Variants in KCNIP4 observed in about 807,000 individuals in gnomAD.
KCNIP4 encodes the protein potassium voltage-gated channel interacting protein 4.
A neutral mutation model predicts 34.0 loss-of-function variants in KCNIP4; 12 were observed. That is an observed-to-expected ratio of 0.35 (90% CI 0.23 to 0.57). The LOEUF (loss-of-function observed/expected upper bound fraction) is 0.57. Ranked by LOEUF, KCNIP4 falls within the 20% of genes least tolerant of loss-of-function variation. KCNIP4 has a pLI of 0.83. For missense variants in KCNIP4, 238 were observed against 311.7 expected, an observed-to-expected ratio of 0.76 and a Z score of 1.78; for synonymous variants, 124 against 102.2, an observed-to-expected ratio of 1.21 and a Z score of -1.29.
At chr4:21,395,223 G>A (rs572132720) in intron 1 of KCNIP4, among the ~76,000 whole-genome samples, 2 of 152,072 alleles carry the variant, frequency 1.3e-5, no homozygotes, top group African/African-American at 2.4e-5. Context: ...TTTAGGGCAG[G>A]TCTACTCCCA....
Position 20,803,711 on chromosome 4 carries a change from G to GGA in KCNIP4, c.289-44822_289-44821insTC, listed in dbSNP as rs1714673863. On this transcript the variant is annotated intron_variant, in intron 3 of 8. Transcript: ENST00000382152. Reference sequence around the variant, plus strand: ...AGGGAGAGAGAGAGAGAAAGAGAGAGAGAGAGAGAGAGAGAGAGGAAGGAA... The same window carrying GGA: ...AGGGAGAGAGAGAGAGAAAGAGAGAGGAAGAGAGAGAGAGAGAGAGGAAGGAA... Among the ~76,000 whole-genome samples, 17 of 121,220 alleles carry GGA rather than the reference G, an allele frequency of 1.4e-4. No homozygotes were observed. The South Asian group carries it at 5.5e-3, about 39-fold the overall frequency. 79.5% of individuals were successfully genotyped at this position (121,220 alleles called of 152,430 possible).
intron 1 of KCNIP4, among the ~76,000 whole-genome samples, chr4:21,575,592 G>A (rs535973257): frequency 8.7e-5 from 13 of 150,246 alleles, no homozygotes; most frequent in Admixed American, 6.0e-4. Context: ...TTAGATACAC[G>A]TTTTCTGTTA....
At chr4:21,011,287 G>A (rs138050542) in intron 1 of KCNIP4, among the ~76,000 whole-genome samples, 109 of 152,252 alleles carry the variant, frequency 7.2e-4, no homozygotes, top group African/African-American at 2.5e-3. Flanking sequence ...TGCAATTTGT[G>A]TGACTGACTC....
intron 1 of KCNIP4, among the ~76,000 whole-genome samples, chr4:21,528,292 T>C (rs1490174791): frequency 1.3e-5 from 2 of 152,102 alleles, no homozygotes; most frequent in African/African-American, 2.4e-5. Context: ...GTTGTTGTTG[T>C]TTTTGGAATG....
At chr4:21,174,788 C>A (rs1038798036) in intron 1 of KCNIP4, among the ~76,000 whole-genome samples, 5 of 151,770 alleles carry the variant, frequency 3.3e-5, no homozygotes, top group Non-Finnish European at 7.4e-5. Flanking sequence ...GCCTGTAATC[C>A]CAGCTACTTG....
In KCNIP4 at chr4:21,506,450, T is replaced by C. The variant is rs533390405; in HGVS notation, c.61+442121A>G. On this transcript the variant is annotated intron_variant, in intron 1 of 8. Coordinates refer to ENST00000382152, the MANE Select transcript of KCNIP4 (RefSeq NM_025221.6). The stretch of plus-strand genomic sequence containing the variant: ...AGTTCTTAAAACAATACATGGCACC[T>C]AGTGGATTCTCAATACTGGCAATTT... Among the ~76,000 whole-genome samples, 3 of 152,342 alleles carry C rather than the reference T, an allele frequency of 2.0e-5. No individual in the cohort carries two copies. In the East Asian group the frequency reaches 5.8e-4, roughly 29 times the overall value.
At chr4:21,501,161 A>G (rs1281529409) in intron 1 of KCNIP4, among the ~76,000 whole-genome samples, 1 of 151,686 alleles carries the variant, frequency 6.6e-6, no homozygotes, top group East Asian at 1.9e-4. Context: ...CTAATCATGA[A>G]TTCTTGCCTG....
chr4:21,427,506 G>C (rs1334884348), intron 1 of KCNIP4, among the ~76,000 whole-genome samples: 6 of 152,132 alleles, frequency 3.9e-5, no homozygotes, highest in Admixed American at 3.9e-4. Context: ...CTCAGAGGTA[G>C]GGTACAGTAG....
intron 1 of KCNIP4, among the ~76,000 whole-genome samples, chr4:21,458,666 A>G (rs1729174548): frequency 6.6e-6 from 1 of 151,996 alleles, no homozygotes; most frequent in Admixed American, 6.6e-5. Context: ...AAAAGCCCTC[A>G]ATGCTGCCTG....
In KCNIP4 at chr4:21,800,459, ATATAG is replaced by A. The variant is rs200498193; in HGVS notation, c.61+148107_61+148111del. On this transcript the variant is annotated intron_variant, in intron 1 of 8. Transcript: ENST00000382152. ...AAAATGAACCAAATCAGATCAATTCATATAGTAAAGTTACCAACATTTCTAAAGAA... is the reference window on the plus strand; with the variant it reads ...AAAATGAACCAAATCAGATCAATTCATAAAGTTACCAACATTTCTAAAGAA... Among the ~76,000 whole-genome samples, 1,279 of 152,318 alleles carry A rather than the reference ATATAG, an allele frequency of 8.4e-3. 11 individuals are homozygous for A. Among genetic ancestry groups the A allele is most frequent in the South Asian group, 0.028 (136 of 4,828 alleles).
chr4:21,392,722 G>T (rs746796848), intron 1 of KCNIP4, among the ~76,000 whole-genome samples: 1 of 152,110 alleles, frequency 6.6e-6, no homozygotes, highest in African/African-American at 2.4e-5. Context: ...CAAAACAAAG[G>T]CTGACAAAGA....
chr4:21,474,025 A>G (rs1186016360), intron 1 of KCNIP4, among the ~76,000 whole-genome samples: 1 of 152,112 alleles, frequency 6.6e-6, no homozygotes, highest in African/African-American at 2.4e-5. Context: ...AGGCAACTTA[A>G]CAGAGCTGAA....
chr4:21,901,396 A>G (rs1353367136), intron 1 of KCNIP4, among the ~76,000 whole-genome samples: 1 of 152,224 alleles, frequency 6.6e-6, no homozygotes, highest in Non-Finnish European at 1.5e-5. Flanking sequence ...AATTACATAA[A>G]TTTATATACA....
intron 1 of KCNIP4, among the ~76,000 whole-genome samples, chr4:21,244,561 A>T (rs1292670848): frequency 6.6e-6 from 1 of 152,216 alleles, no homozygotes; most frequent in African/African-American, 2.4e-5. Context: ...GAATATAAAC[A>T]TGCTAATACT....
intron 1 of KCNIP4, among the ~76,000 whole-genome samples, chr4:21,079,644 T>C (rs1560702864): frequency 6.6e-6 from 1 of 151,880 alleles, no homozygotes; most frequent in Non-Finnish European, 1.5e-5. Context: ...ATATGTTATG[T>C]TACATATCAA....
intron 1 of KCNIP4, among the ~76,000 whole-genome samples, chr4:21,219,636 C>T (rs1333674503): frequency 4.0e-5 from 6 of 151,770 alleles, no homozygotes; most frequent in Non-Finnish European, 7.4e-5. Context: ...AAAGGGGACA[C>T]GATTAAATTG....
intron 1 of KCNIP4, among the ~76,000 whole-genome samples, chr4:21,470,257 G>A (rs964625699): frequency 2.6e-5 from 4 of 152,128 alleles, no homozygotes; most frequent in Admixed American, 2.6e-4. Context: ...GGAGAAGGGA[G>A]GGAGATTAGC....
intron 1 of KCNIP4, among the ~76,000 whole-genome samples, chr4:20,970,206 G>T (rs1734793804): frequency 6.6e-6 from 1 of 152,188 alleles, no homozygotes; most frequent in Non-Finnish European, 1.5e-5. Context: ...CTCCCAAAGT[G>T]CTGGGATTAC....
At chr4:21,095,428 C>T (rs1416674125) in intron 1 of KCNIP4, among the ~76,000 whole-genome samples, 1 of 151,974 alleles carries the variant, frequency 6.6e-6, no homozygotes, top group Non-Finnish European at 1.5e-5. Context: ...TCTTTTTTGC[C>T]CGTCTCATTC....
Sources: gnomAD v4.1 joint callset for allele counts (sites outside exome capture counted in the v4.1 genomes callset) on GRCh38, gnomAD v4.1.1 for gene constraint, MANE v1.5 for transcripts, NCBI Gene and HGNC (gene_info 2026-07-23, HGNC 2026-07-21) for gene names.